SLC25A36: variants seen among roughly 807,000 people sequenced by gnomAD.
SLC25A36 encodes the protein solute carrier family 25 member 36, also known as epididymis secretory sperm binding protein.
In SLC25A36, 24 loss-of-function variants were observed where a neutral mutation model predicts 35.3. The observed-to-expected ratio is 0.68, with a 90% CI of 0.49 to 0.96. The LOEUF (loss-of-function observed/expected upper bound fraction) is 0.96. SLC25A36 is among the 40% of genes least tolerant of loss of function. SLC25A36 has a pLI of 0.00. For missense variants in SLC25A36, 294 were observed against 381.1 expected, an observed-to-expected ratio of 0.77 and a Z score of 1.90; for synonymous variants, 141 against 132.2, an observed-to-expected ratio of 1.07 and a Z score of -0.46.
At chr3:140,943,352 A>C (rs1278011548) in intron 1 of SLC25A36, among the ~76,000 whole-genome samples, 1 of 152,228 alleles carries the variant, frequency 6.6e-6, no homozygotes, top group Non-Finnish European at 1.5e-5. Context: ...AGGTTGGCAC[A>C]CTTTCATCAA....
chr3:140,951,018 T>C (rs1482249720), intron 1 of SLC25A36, among the ~76,000 whole-genome samples: 1 of 152,130 alleles, frequency 6.6e-6, no homozygotes, highest in Non-Finnish European at 1.5e-5. Context: ...TTCAGTTCTT[T>C]GCCTTAATTC....
intron 4 of SLC25A36, chr3:140,965,702 T>G (rs1434414179): frequency 1.3e-5 from 2 of 151,886 alleles, no homozygotes; most frequent in Non-Finnish European, 3.0e-5. Flanking sequence ...TTTCATGCAT[T>G]AAAAATTTGT....
intron 1 of SLC25A36, among the ~76,000 whole-genome samples, chr3:140,943,162 T>C (rs959374116): frequency 4.6e-5 from 7 of 152,208 alleles, no homozygotes; most frequent in African/African-American, 1.7e-4. Flanking sequence ...AAGAGTTTTC[T>C]TATCAAAAAT....
At chr3:140,948,184 ACCT>A (rs541419555) in intron 1 of SLC25A36, among the ~76,000 whole-genome samples, 78 of 152,214 alleles carry the variant, frequency 5.1e-4, no homozygotes, top group African/African-American at 1.8e-3. Flanking sequence ...TGAGCTCCTG[ACCT>A]CAGGCGATCC....
In SLC25A36 at chr3:140,959,459, T is replaced by C. The variant is rs200504548; in HGVS notation, c.207-4T>C. 1.4e-4 allele frequency: 205 copies of C among 1,497,906 alleles called. 1 individual carries two copies. The highest frequency in any genetic ancestry group is 1.2e-4 in the Non-Finnish European group (133 of 1,123,618). 92.8% of individuals were successfully genotyped at this position (1,497,906 alleles called of 1,614,324 possible). A position where few individuals can be genotyped will look rare whatever the true frequency, so the allele number is the denominator to read the frequency against. On this transcript the variant is annotated splice_polypyrimidine_tract_variant and splice_region_variant and intron_variant, in intron 2 of 6. Coordinates refer to ENST00000324194, the MANE Select transcript of SLC25A36 (RefSeq NM_001104647.3). ...TCTGATAGAATTTTTTTTCTCTCTT[T>C]CAGGGTGATCTTGGAAAAAGAAGGG... is the stretch of plus-strand genomic sequence containing the variant.
intron 3 of SLC25A36, among the ~76,000 whole-genome samples, chr3:140,960,915 C>G (rs765290438): frequency 2.6e-5 from 4 of 152,116 alleles, no homozygotes; most frequent in Admixed American, 1.3e-4. Flanking sequence ...TGGGACAAAC[C>G]AAACAGATAG....
intron 1 of SLC25A36, among the ~76,000 whole-genome samples, chr3:140,956,310 A>G (rs1401942504): frequency 6.6e-6 from 1 of 152,206 alleles, no homozygotes; most frequent in Non-Finnish European, 1.5e-5. Context: ...CTTGCCAGAT[A>G]GTTACTAAGC....
intron 3 of SLC25A36, among the ~76,000 whole-genome samples, chr3:140,962,756 A>G (rs1414477691): frequency 2.6e-5 from 4 of 152,090 alleles, no homozygotes; most frequent in African/African-American, 7.2e-5. Flanking sequence ...GTTTCTAAAC[A>G]TTAAAATCTT....
At chr3:140,944,213 G>A (rs1934103849) in intron 1 of SLC25A36, among the ~76,000 whole-genome samples, 3 of 152,206 alleles carry the variant, frequency 2.0e-5, no homozygotes, top group Non-Finnish European at 2.9e-5. Flanking sequence ...CGAATATGGA[G>A]CCTTTAAGTT....
chr3:140,976,134 A>T (rs1480921120), intron 6 of SLC25A36, 126 bp from the exon 7 acceptor site: 4 of 626,888 alleles, frequency 6.4e-6, no homozygotes, highest in Non-Finnish European at 1.1e-5. Flanking sequence ...AATAAGCTAC[A>T]CATTAGAAGC....
intron 1 of SLC25A36, among the ~76,000 whole-genome samples, chr3:140,954,579 A>G (rs1016086574): frequency 5.9e-5 from 9 of 152,182 alleles, no homozygotes; most frequent in African/African-American, 2.2e-4. Flanking sequence ...CATTTAATAG[A>G]TGGGCAGTAG....
chr3:140,948,408 T>A (rs1472498869), intron 1 of SLC25A36, among the ~76,000 whole-genome samples: 1 of 151,620 alleles, frequency 6.6e-6, no homozygotes, highest in Non-Finnish European at 1.5e-5. Flanking sequence ...GGTCTCCATC[T>A]CCTGACCTCA....
intron 4 of SLC25A36, among the ~76,000 whole-genome samples, chr3:140,967,436 C>A (rs1198595271): frequency 2.0e-5 from 3 of 151,668 alleles, no homozygotes; most frequent in Non-Finnish European, 4.4e-5. Context: ...TTTCTTAGAA[C>A]TCTTTTGCAA....
chr3:140,966,749 C>T (rs953415726), intron 4 of SLC25A36: 13 of 361,436 alleles, frequency 3.6e-5, no homozygotes, highest in Non-Finnish European at 4.4e-5. Flanking sequence ...TTTCAGTACT[C>T]GGTACATTTT....
In SLC25A36 at chr3:140,961,855, C is replaced by CAAAAAAAAA. The variant is rs553759457; in HGVS notation, c.285-1250_285-1242dup. On this transcript the variant is annotated intron_variant, in intron 3 of 6. Transcript: ENST00000324194. Reference sequence around the variant, plus strand: ...TGGGCAAAAGAGCGAGGCTCCGTCTCAAAAAAAAAAAAAAAAAAAAAAAAA... The same window carrying CAAAAAAAAA: ...TGGGCAAAAGAGCGAGGCTCCGTCTCAAAAAAAAAAAAAAAAAAAAAAAAAAAAAAAAAA... 5.6e-5 allele frequency among the ~76,000 whole-genome samples: 2 copies of CAAAAAAAAA among 35,836 alleles called. 1 individual carries two copies. The highest frequency in any genetic ancestry group is 1.2e-4 in the Non-Finnish European group (2 of 17,112). 23.5% of individuals were successfully genotyped at this position (35,836 alleles called of 152,430 possible). A position where few individuals can be genotyped will look rare whatever the true frequency, so the allele number is the denominator to read the frequency against.
intron 3 of SLC25A36, among the ~76,000 whole-genome samples, chr3:140,962,425 T>C (rs1022363741): frequency 3.3e-5 from 5 of 152,178 alleles, no homozygotes; most frequent in African/African-American, 4.8e-5. Flanking sequence ...GTCAGTAAGT[T>C]AACAATGAGG....
At chr3:140,950,224 T>C (rs915119824) in intron 1 of SLC25A36, among the ~76,000 whole-genome samples, 1 of 152,188 alleles carries the variant, frequency 6.6e-6, no homozygotes. Flanking sequence ...ACCTTTCCTT[T>C]CTTGAATAAC....
chr3:140,966,755 AT>A, intron 4 of SLC25A36: 1 of 363,986 alleles, frequency 2.7e-6, no homozygotes, highest in Non-Finnish European at 5.4e-6. Flanking sequence ...TACTCGGTAC[AT>A]TTTTTTAAAT....
Position 140,942,422 on chromosome 3 carries a change from T to G in SLC25A36, c.41+327T>G, listed in dbSNP as rs192446123. On this transcript the variant is annotated intron_variant, in intron 1 of 6. Transcript: ENST00000324194. ...CGGGGTGAGGCGGAGGCCGAATCCA[T>G]GCGTCTGAGGAGACGCGGGCAAGAG... The G allele has an allele frequency of 5.1e-4, 120 of 233,690 alleles. 1 individual carries two copies. The East Asian group carries it at 7.1e-3, about 14-fold the overall frequency. 14.5% of individuals were successfully genotyped at this position (233,690 alleles called of 1,614,324 possible).
Sources: allele counts gnomAD v4.1 joint callset (sites outside exome capture counted in the v4.1 genomes callset), GRCh38; gene constraint gnomAD v4.1.1; transcripts MANE v1.5; gene names NCBI Gene and HGNC (gene_info 2026-07-23, HGNC 2026-07-21).